Variants in SMOX observed in about 807,000 individuals in gnomAD.
The protein encoded by SMOX is spermine oxidase.
A neutral mutation model predicts 51.0 loss-of-function variants in SMOX; 22 were observed. The observed-to-expected ratio is 0.43, with a 90% CI of 0.31 to 0.62. The LOEUF is 0.62. Among genes scored for constraint, SMOX ranks in the 20% least tolerant of loss-of-function variants. SMOX has a pLI of 0.10. For synonymous variants in SMOX, 282 were observed against 307.8 expected (o/e 0.92, Z 0.88); for missense variants, 566 against 777.7 (o/e 0.73, Z 3.24).
intron 1 of SMOX, among the ~76,000 whole-genome samples, chr20:4,163,572 TCA>T (rs1355751084): frequency 6.6e-6 from 1 of 152,216 alleles, no homozygotes; most frequent in Non-Finnish European, 1.5e-5. Flanking sequence ...TTTATTATGC[TCA>T]CAGTTTCTGT....
chr20:4,152,541 C>T (rs755616479), intron 1 of SMOX, among the ~76,000 whole-genome samples: 3 of 151,948 alleles, frequency 2.0e-5, no homozygotes, highest in East Asian at 1.9e-4. Context: ...GAGGTAACAC[C>T]GCGACGTGGG....
In SMOX at chr20:4,172,682, C is replaced by G. The variant is rs974354814; in HGVS notation, c.-26-2348C>G. On this transcript the variant is annotated intron_variant, in intron 1 of 6. Coordinates refer to ENST00000305958, the MANE Select transcript of SMOX (RefSeq NM_175839.3). The surrounding 1 kb of genome is among the most constrained non-coding windows in gnomAD (Gnocchi z 7.7). The stretch of plus-strand genomic sequence containing the variant: ...CCTTGCCTCCGAACTGGACGCTGCC[C>G]GGATGTGGCTCCGGGTCTCGGGCGC... Among the ~76,000 whole-genome samples, 4 of 151,958 alleles carry G rather than the reference C, an allele frequency of 2.6e-5. No homozygotes were observed. The highest frequency in any genetic ancestry group is 9.7e-5 in the African/African-American group (4 of 41,360).
intron 1 of SMOX, among the ~76,000 whole-genome samples, chr20:4,168,645 C>T (rs1245939036): frequency 1.3e-5 from 2 of 151,910 alleles, no homozygotes. Flanking sequence ...CACCCTCTGC[C>T]TCCTGGGTTC....
intron 1 of SMOX, among the ~76,000 whole-genome samples, chr20:4,163,236 C>T (rs1027318013): frequency 1.3e-5 from 2 of 151,840 alleles, no homozygotes; most frequent in Non-Finnish European, 2.9e-5. Flanking sequence ...GGCCCCACCC[C>T]AGAGAGTCTA....
At chr20:4,151,159 C>T (rs8114742) in intron 1 of SMOX, among the ~76,000 whole-genome samples, 1,735 of 152,160 alleles carry the variant, frequency 0.011, 32 homozygotes, top group African/African-American at 0.04. Context: ...AGATGGGAAA[C>T]CAGGAGCACA....
In SMOX at chr20:4,183,410, T is replaced by TG. The variant is rs1979499315; in HGVS notation, c.1370-78dup. The TG allele has an allele frequency of 1.3e-6, 2 of 1,599,798 alleles. No homozygotes were observed. Among genetic ancestry groups the TG allele is most frequent in the Non-Finnish European group, 1.7e-6 (2 of 1,169,210 alleles). ...TCCTCCCGGAGCCCTGGAGGTGGGG[T>TG]GGGGGGTTGTCCCTTTGGGGTCATC... On this transcript the variant is annotated intron_variant, in intron 5 of 6. Transcript: ENST00000305958. This position sits in a 1 kb window ranked among gnomAD's most constrained non-coding sequence, Gnocchi z 4.3.
intron 6 of SMOX, among the ~76,000 whole-genome samples, chr20:4,184,623 T>C (rs775539624): frequency 3.3e-5 from 5 of 152,006 alleles, no homozygotes; most frequent in Admixed American, 6.6e-5. Context: ...AATTATTTGG[T>C]ATAATTGGTG....
chr20:4,164,324 A>G (rs1600805231), intron 1 of SMOX, among the ~76,000 whole-genome samples: 2 of 152,298 alleles, frequency 1.3e-5, no homozygotes, highest in East Asian at 3.9e-4. Context: ...TGGGGCCTGT[A>G]GGAAAACATA....
chr20:4,178,380 G>A, intron 3 of SMOX, among the ~76,000 whole-genome samples: 1 of 152,198 alleles, frequency 6.6e-6, no homozygotes. Flanking sequence ...AGTAGCTACT[G>A]TGTTGGATAG....
At position 4,187,631 on chromosome 20, in the gene SMOX, C is replaced by T; in HGVS notation, c.*224C>T. The stretch of plus-strand genomic sequence containing the variant: ...GTTACCTCTGTGCTGGATCCCGTGC[C>T]CCCACTTGCCTACCCTCTGTCCTGC... On this transcript the variant is annotated 3_prime_UTR_variant, in exon 7 of 7. Coordinates refer to ENST00000305958, the MANE Select transcript of SMOX (RefSeq NM_175839.3). The surrounding 1 kb of genome is among the most constrained non-coding windows in gnomAD (Gnocchi z 4.8). The T allele has an allele frequency of 5.4e-6, 3 of 554,292 alleles. No individual in the cohort carries two copies. Among genetic ancestry groups the T allele is most frequent in the Non-Finnish European group, 9.4e-6 (3 of 319,716 alleles). 34.3% of individuals were successfully genotyped at this position (554,292 alleles called of 1,614,324 possible).
Position 4,175,106 on chromosome 20 carries a change from C to A in SMOX, c.51C>A (p.Arg17=), listed in dbSNP as rs766382640. ...ACAGTGCGGATGACCCTCTCAGTCG[C>A]GGCCTACGGAGAAGGGGACAGCCTC... ...SGDSADDPLS[R]GLRRRGQPRV... The change falls in exon 2 of 7, where the codon CGC becomes CGA. Residue 17 remains arginine (R), a synonymous_variant. Coordinates refer to ENST00000305958, the MANE Select transcript of SMOX (RefSeq NM_175839.3). 100 of 1,614,122 alleles carry A rather than the reference C, an allele frequency of 6.2e-5. No homozygotes were observed. Among genetic ancestry groups the A allele is most frequent in the Non-Finnish European group, 8.3e-5 (98 of 1,180,056 alleles).
intron 1 of SMOX, among the ~76,000 whole-genome samples, chr20:4,158,717 G>A (rs1326622377): frequency 6.6e-6 from 1 of 152,038 alleles, no homozygotes; most frequent in Non-Finnish European, 1.5e-5. Flanking sequence ...CAGTTTCTGG[G>A]ACATCTGTCT....
Position 4,177,351 on chromosome 20 carries a change from G to A in SMOX, c.209G>A (p.Gly70Glu). Residue 70 changes from glycine to glutamate, a missense_variant and splice_region_variant, in exon 3 of 7, where the codon GGA becomes GAA. Gly to Glu is a moderately conservative substitution (Grantham distance 98). This residue lies in a region of SMOX where 217 missense variants were observed against 278.4 expected (regional missense o/e 0.78). Transcript: ENST00000305958. The surrounding 1 kb of genome is among the most constrained non-coding windows in gnomAD (Gnocchi z 4.3). ...IGGRVQSVKL[G>E]HATFELGATW... ...AAGGGCCTGCTGTTGTCACCCTCAG[G>A]ACACGCCACCTTTGAGCTGGGAGCC... 1 of 1,551,856 alleles carries A rather than the reference G, an allele frequency of 6.4e-7. No homozygotes were observed. Among genetic ancestry groups the A allele is most frequent in the East Asian group, 2.4e-5 (1 of 40,940 alleles).
At chr20:4,160,858 C>G (rs1447468831) in intron 1 of SMOX, among the ~76,000 whole-genome samples, 1 of 152,106 alleles carries the variant, frequency 6.6e-6, no homozygotes, top group Non-Finnish European at 1.5e-5. Context: ...TCTTTGTGGG[C>G]AGAAAGCACA....
chr20:4,177,628 G>A lies in SMOX; in HGVS notation c.435+51G>A. ...CGTAAGGGCATGGGGAGACCTGGGA[G>A]GTCTGTGATTCTGGTCGTGTCTCTG... On this transcript the variant is annotated intron_variant, in intron 3 of 6. Coordinates refer to ENST00000305958, the MANE Select transcript of SMOX (RefSeq NM_175839.3). This position sits in a 1 kb window ranked among gnomAD's most constrained non-coding sequence, Gnocchi z 4.3. The A allele has an allele frequency of 6.6e-7, 1 of 1,520,072 alleles. No homozygotes were observed. Among genetic ancestry groups the A allele is most frequent in the Non-Finnish European group, 8.9e-7 (1 of 1,122,520 alleles). 94.2% of individuals were successfully genotyped at this position (1,520,072 alleles called of 1,614,324 possible).
In SMOX at chr20:4,157,297, G is replaced by C. The variant is rs1431834729; in HGVS notation, c.-27+8320G>C. On this transcript the variant is annotated intron_variant, in intron 1 of 6. Transcript: ENST00000305958. The stretch of plus-strand genomic sequence containing the variant: ...CTTACTACTGGATTTGACATGGCTG[G>C]AGGAGGGACCCTGGGGAGGGCCCTG... Among the ~76,000 whole-genome samples, 6 of 152,294 alleles carry C rather than the reference G, an allele frequency of 3.9e-5. No homozygotes were observed. The East Asian group carries it at 1.2e-3, about 29-fold the overall frequency.
Position 4,178,660 on chromosome 20 carries a change from G to A in SMOX, c.435+1083G>A, listed in dbSNP as rs1979072898. Among the ~76,000 whole-genome samples the A allele has an allele frequency of 2.0e-5, 3 of 150,238 alleles. No individual in the cohort carries two copies. In the South Asian group the frequency reaches 6.3e-4, roughly 32 times the overall value. ...AATTTGGCCAGCAAACACCTATTGT[G>A]CATTTTCTTTTCTTTCTTTCTTTCT... On this transcript the variant is annotated intron_variant, in intron 3 of 6. Coordinates refer to ENST00000305958, the MANE Select transcript of SMOX (RefSeq NM_175839.3).
At chr20:4,162,623 C>T (rs985859462) in intron 1 of SMOX, among the ~76,000 whole-genome samples, 3 of 152,144 alleles carry the variant, frequency 2.0e-5, no homozygotes, top group Non-Finnish European at 2.9e-5. Context: ...TCCATTGCTG[C>T]GGAATCTCCA....
At chr20:4,168,883 CTATT>C (rs1414246205) in intron 1 of SMOX, among the ~76,000 whole-genome samples, 2 of 128,570 alleles carry the variant, frequency 1.6e-5, no homozygotes, top group Non-Finnish European at 3.3e-5. Context: ...AATTAATGCT[CTATT>C]TTATTTTATT....
Sources: gnomAD v4.1 joint callset for allele counts (sites outside exome capture counted in the v4.1 genomes callset) on GRCh38, gnomAD v4.1.1 for gene constraint, gnomAD v4.1.1 regional missense constraint, Gnocchi (gnomAD v3.1) non-coding constraint, MANE v1.5 for transcripts, NCBI Gene and HGNC (gene_info 2026-07-23, HGNC 2026-07-21) for gene names.